The following KIF26B variants were observed in gnomAD, a reference collection of about 807,000 sequenced individuals.
KIF26B encodes kinesin family member 26B.
A neutral mutation model predicts 151.2 loss-of-function variants in KIF26B; 63 were observed. The ratio of observed to expected loss-of-function variants is 0.42; its 90% confidence interval spans 0.34 to 0.51. KIF26B has a LOEUF of 0.51. KIF26B is among the 20% of genes least tolerant of loss of function. The pLI is 0.07. For missense variants in KIF26B, 2,813 were observed against 2,913.6 expected (o/e 0.97, Z 0.79); for synonymous variants, 1,357 against 1,262.1 (o/e 1.08, Z -1.59).
intron 2 of KIF26B, among the ~76,000 whole-genome samples, chr1:245,224,082 C>A (rs527433420): frequency 6.6e-6 from 1 of 151,972 alleles, no homozygotes; most frequent in Non-Finnish European, 1.5e-5. Context: ...GTCGGGAGTT[C>A]GAGACCAGCC....
intron 2 of KIF26B, among the ~76,000 whole-genome samples, chr1:245,171,035 A>C (rs978582821): frequency 6.6e-6 from 1 of 152,202 alleles, no homozygotes; most frequent in African/African-American, 2.4e-5. Context: ...GCTTTGGACT[A>C]CCTTGGAGTT....
At chr1:245,286,871 G>C (rs1337761604) in intron 2 of KIF26B, among the ~76,000 whole-genome samples, 6 of 152,172 alleles carry the variant, frequency 3.9e-5, no homozygotes. Flanking sequence ...ACTTTGGGAG[G>C]CCGAGATAAG....
chr1:245,314,086 A>G (rs1671715800), intron 2 of KIF26B, among the ~76,000 whole-genome samples: 1 of 152,122 alleles, frequency 6.6e-6, no homozygotes, highest in Non-Finnish European at 1.5e-5. Context: ...CTTGTATGTG[A>G]GTCCCTAGCT....
At chr1:245,175,046 C>T (rs909768917) in intron 2 of KIF26B, among the ~76,000 whole-genome samples, 1 of 152,122 alleles carries the variant, frequency 6.6e-6, no homozygotes, top group Non-Finnish European at 1.5e-5. Context: ...GGGAGTTTCT[C>T]CTGGGGGCCC....
intron 2 of KIF26B, among the ~76,000 whole-genome samples, chr1:245,278,157 C>T (rs1376455577): frequency 2.6e-5 from 4 of 152,052 alleles, no homozygotes; most frequent in Admixed American, 6.5e-5. Context: ...TAATTTTCCC[C>T]AAGTATTGCC....
chr1:245,510,932 G>A (rs1457776220), intron 4 of KIF26B: 1 of 616,746 alleles, frequency 1.6e-6, no homozygotes, highest in Non-Finnish European at 2.9e-6. Context: ...TGCTCTGAGA[G>A]TTCTCAGACC....
intron 4 of KIF26B, among the ~76,000 whole-genome samples, chr1:245,458,123 C>T (rs1659578477): frequency 6.6e-6 from 1 of 152,166 alleles, no homozygotes. Context: ...CTCAACTATT[C>T]ATTTGACAAG....
intron 2 of KIF26B, among the ~76,000 whole-genome samples, chr1:245,193,484 C>A (rs543084168): frequency 4.7e-5 from 7 of 150,242 alleles, no homozygotes; most frequent in Non-Finnish European, 1.0e-4. Context: ...TTTAAATAAA[C>A]CGGAAAGCTT....
intron 9 of KIF26B, among the ~76,000 whole-genome samples, chr1:245,616,771 G>C (rs920979578): frequency 2.0e-5 from 3 of 152,184 alleles, no homozygotes; most frequent in Non-Finnish European, 4.4e-5. Context: ...TTGGGTTAGG[G>C]ATGCTCAGCG....
intron 2 of KIF26B, among the ~76,000 whole-genome samples, chr1:245,308,489 TAAA>T (rs1246977019): frequency 6.6e-6 from 1 of 152,218 alleles, no homozygotes; most frequent in East Asian, 1.9e-4. Context: ...TGCCTTGCTC[TAAA>T]ATAAACTTGA....
rs34799952 is a variant in KIF26B, at chr1:245,355,595, CAA to C, written c.466-11223_466-11222del. On this transcript the variant is annotated intron_variant, in intron 2 of 14. Coordinates refer to ENST00000407071, the MANE Select transcript of KIF26B (RefSeq NM_018012.4). Reference sequence around the variant, plus strand: ...TGGGCAACACAGTGAGACCCTGTCTCAAAAAAAAAAAAAAAAAGAAGAAGAAG... The same window carrying C: ...TGGGCAACACAGTGAGACCCTGTCTCAAAAAAAAAAAAAAAGAAGAAGAAG... Among the ~76,000 whole-genome samples, 469 of 74,778 alleles carry C rather than the reference CAA, an allele frequency of 6.3e-3. 1 individual carries two copies. The highest frequency in any genetic ancestry group is 0.011 in the Non-Finnish European group (324 of 29,566). The allele number at this position is 74,778 out of a possible 152,430, so 49.1% of individuals were successfully genotyped here. A position where few individuals can be genotyped will look rare whatever the true frequency, so the allele number is the denominator to read the frequency against.
Position 245,224,351 on chromosome 1 carries a change from C to T in KIF26B, c.465+67668C>T, listed in dbSNP as rs1479380142. Among the ~76,000 whole-genome samples the T allele has an allele frequency of 2.0e-5, 3 of 152,266 alleles. 1 individual carries two copies. Among genetic ancestry groups the T allele is most frequent in the Admixed American group, 6.5e-5 (1 of 15,298 alleles). ...TCCTCATAAAGCACTTCCACTCCACCGTAGTAGCACGATTGTCTTCAGGAA... is the reference window on the plus strand; with the variant it reads ...TCCTCATAAAGCACTTCCACTCCACTGTAGTAGCACGATTGTCTTCAGGAA... On this transcript the variant is annotated intron_variant, in intron 2 of 14. Coordinates refer to ENST00000407071, the MANE Select transcript of KIF26B (RefSeq NM_018012.4).
rs1378663106 is a variant in KIF26B at position 245,601,371 on chromosome 1, TC to T, written c.1351-1205del. On this transcript the variant is annotated intron_variant, in intron 5 of 14. Transcript: ENST00000407071. This position sits in a 1 kb window ranked among gnomAD's most constrained non-coding sequence, Gnocchi z 4.4. Reference sequence around the variant, plus strand: ...GTCGAGATTGGCAGGAGGATCTCCGTCTTGAACAACATTATGATTCTCTGAG... The same window carrying T: ...GTCGAGATTGGCAGGAGGATCTCCGTTTGAACAACATTATGATTCTCTGAG... 2.0e-5 allele frequency among the ~76,000 whole-genome samples: 3 copies of T among 152,172 alleles called. No homozygotes were observed. The highest frequency in any genetic ancestry group is 1.3e-4 in the Admixed American group (2 of 15,276).
At chr1:245,215,625 T>A (rs983404438) in intron 2 of KIF26B, among the ~76,000 whole-genome samples, 1 of 152,190 alleles carries the variant, frequency 6.6e-6, no homozygotes, top group Non-Finnish European at 1.5e-5. Context: ...GGCCTTATGC[T>A]GGGCTCGGGG....
chr1:245,362,030 T>G (rs757875362), intron 2 of KIF26B, among the ~76,000 whole-genome samples: 48 of 151,852 alleles, frequency 3.2e-4, no homozygotes, highest in Admixed American at 1.4e-3. Flanking sequence ...TGGGAGCTCA[T>G]GAACAACAGG....
intron 4 of KIF26B, among the ~76,000 whole-genome samples, chr1:245,522,137 G>A (rs995602937): frequency 6.6e-5 from 10 of 152,150 alleles, no homozygotes; most frequent in Non-Finnish European, 1.2e-4. Flanking sequence ...CCAAAGTGCT[G>A]GGATTACAGG....
chr1:245,230,248 C>T (rs1669968312), intron 2 of KIF26B, among the ~76,000 whole-genome samples: 1 of 151,720 alleles, frequency 6.6e-6, no homozygotes, highest in Non-Finnish European at 1.5e-5. Flanking sequence ...TGTCCCGAAG[C>T]AGCAGAGCTA....
At chr1:245,623,041 T>C (rs1015356539) in intron 9 of KIF26B, among the ~76,000 whole-genome samples, 1 of 145,890 alleles carries the variant, frequency 6.9e-6, no homozygotes, top group African/African-American at 2.7e-5. Flanking sequence ...TTTTTTTTTT[T>C]TTTTTTTTTT....
chr1:245,681,700 G>A (rs986711030), intron 10 of KIF26B, among the ~76,000 whole-genome samples: 2 of 152,204 alleles, frequency 1.3e-5, no homozygotes, highest in Non-Finnish European at 2.9e-5. Context: ...AACATTTAAT[G>A]TAATAGATAG....
Sources: gnomAD v4.1 joint callset for allele counts (sites outside exome capture counted in the v4.1 genomes callset) on GRCh38, gnomAD v4.1.1 for gene constraint, Gnocchi (gnomAD v3.1) non-coding constraint, MANE v1.5 for transcripts, NCBI Gene and HGNC (gene_info 2026-07-23, HGNC 2026-07-21) for gene names.